The following BPTF variants were observed in gnomAD, a reference collection of about 807,000 sequenced individuals.
BPTF encodes nucleosome-remodeling factor subunit BPTF.
BPTF carries 18 observed loss-of-function variants against 292.5 expected under a neutral mutation model. That is an observed-to-expected ratio of 0.06 (90% confidence interval 0.04 to 0.09). The LOEUF is 0.09. Among genes scored for constraint, BPTF ranks in the 10% least tolerant of loss-of-function variants. The pLI is 1.00. For synonymous variants in BPTF, 1,225 were observed against 1,251.9 expected (o/e 0.98, Z 0.45); for missense variants, 2,726 against 3,498.7 (o/e 0.78, Z 5.57).
intron 26 of BPTF, among the ~76,000 whole-genome samples, chr17:67,967,508 T>C (rs1221566952): frequency 6.6e-6 from 1 of 152,006 alleles, no homozygotes; most frequent in African/African-American, 2.4e-5. Flanking sequence ...AGTATGTTCA[T>C]TGTGGCAGTG....
At position 67,911,519 on chromosome 17, in the gene BPTF, A is replaced by T; in HGVS notation, c.3635A>T (p.Asp1212Val). ...EPSKSKTKGN[D>V]FFIDDSKLAS... ...AGTAAGAGTAAAACAAAAGGAAATG[A>T]TTTTTTCATCGATGACTCTAAACTA... Residue 1212 changes from aspartate to valine, a missense_variant, in exon 11 of 28, where the codon GAT becomes GTT. Transcript: ENST00000306378. 1 of 1,613,444 alleles carries T rather than the reference A, an allele frequency of 6.2e-7. No individual in the cohort carries two copies. Among genetic ancestry groups the T allele is most frequent in the Non-Finnish European group, 8.5e-7 (1 of 1,179,890 alleles).
intron 3 of BPTF, among the ~76,000 whole-genome samples, chr17:67,870,893 C>A (rs1293233782): frequency 2.0e-5 from 3 of 149,824 alleles, no homozygotes; most frequent in East Asian, 2.0e-4. Flanking sequence ...CCTCAGCCTC[C>A]CAAGTAGCTG....
intron 2 of BPTF, among the ~76,000 whole-genome samples, chr17:67,856,082 A>G (rs2145061328): frequency 6.6e-6 from 1 of 152,204 alleles, no homozygotes; most frequent in South Asian, 2.1e-4. Flanking sequence ...TCTTGTATTT[A>G]TCTTGAGCTA....
At chr17:67,914,182 G>A (rs1598618074) in intron 11 of BPTF, among the ~76,000 whole-genome samples, 1 of 151,436 alleles carries the variant, frequency 6.6e-6, no homozygotes, top group Admixed American at 6.6e-5. Context: ...CTTCGTTTTT[G>A]TGTGTCTTTT....
intron 1 of BPTF, among the ~76,000 whole-genome samples, chr17:67,836,703 CAA>C (rs1267502240): frequency 6.6e-6 from 1 of 152,138 alleles, no homozygotes; most frequent in Admixed American, 6.6e-5. Flanking sequence ...TCACAGTAAT[CAA>C]GAGAACAAGT....
At chr17:67,859,487 C>T (rs2058945751) in intron 2 of BPTF, among the ~76,000 whole-genome samples, 1 of 152,200 alleles carries the variant, frequency 6.6e-6, no homozygotes, top group Non-Finnish European at 1.5e-5. Context: ...GATAAAGAGA[C>T]TAAATCTCAA....
At chr17:67,941,651 C>A (rs562424935) in intron 19 of BPTF, among the ~76,000 whole-genome samples, 1 of 152,046 alleles carries the variant, frequency 6.6e-6, no homozygotes, top group Non-Finnish European at 1.5e-5. Context: ...GGTGCCAGGA[C>A]AATTGAATAT....
chr17:67,922,753 C>G (rs2063541995), intron 13 of BPTF, 87 bp from the exon 14 acceptor site: 13 of 1,443,678 alleles, frequency 9.0e-6, no homozygotes, highest in Non-Finnish European at 1.1e-5. Flanking sequence ...AGAAGTTTGC[C>G]AACCACTTTT....
intron 7 of BPTF, among the ~76,000 whole-genome samples, chr17:67,903,308 G>A (rs189401338): frequency 2.8e-4 from 43 of 152,302 alleles, no homozygotes; most frequent in African/African-American, 9.6e-4. Context: ...TGGAAACAAA[G>A]TATTCTTTAA....
chr17:67,879,886 G>A (rs1368864657), intron 4 of BPTF, among the ~76,000 whole-genome samples: 3 of 152,088 alleles, frequency 2.0e-5, no homozygotes, highest in Admixed American at 6.6e-5. Context: ...TGAGGGATCC[G>A]TCCCCAGAAT....
chr17:67,970,528 T>C (rs1470228253), intron 26 of BPTF, among the ~76,000 whole-genome samples: 1 of 152,208 alleles, frequency 6.6e-6, no homozygotes, highest in Non-Finnish European at 1.5e-5. Context: ...AAGTGAAAGT[T>C]ACAGAGCAGT....
intron 13 of BPTF, 83 bp from the exon 14 acceptor site, chr17:67,922,757 C>T (rs1254550612): frequency 2.7e-6 from 4 of 1,460,210 alleles, no homozygotes; most frequent in Non-Finnish European, 3.7e-6. Context: ...GTTTGCCAAC[C>T]ACTTTTTCAT....
chr17:67,832,529 C>T (rs552671321), intron 1 of BPTF, among the ~76,000 whole-genome samples: 1 of 152,126 alleles, frequency 6.6e-6, no homozygotes, highest in South Asian at 2.1e-4. Context: ...TATGAAAATT[C>T]AGTTTTTAAA....
chr17:67,910,563 G>A (rs2062584619), intron 10 of BPTF, among the ~76,000 whole-genome samples: 1 of 152,140 alleles, frequency 6.6e-6, no homozygotes, highest in African/African-American at 2.4e-5. Flanking sequence ...ACTTTGGGAG[G>A]CTGAGGTGGG....
In BPTF at chr17:67,959,534, A is replaced by T; in HGVS notation, c.7927-7A>T. 7.3e-6 allele frequency: 11 copies of T among 1,511,772 alleles called. No individual in the cohort carries two copies. Among genetic ancestry groups the T allele is most frequent in the Non-Finnish European group, 9.7e-6 (11 of 1,133,002 alleles). 93.6% of individuals were successfully genotyped at this position (1,511,772 alleles called of 1,614,324 possible). ...GATAGTCTTGTATTGTCTTTAATTGATAACAGGAAGAGCTGAAGAGAGACC... is the reference window on the plus strand; with the variant it reads ...GATAGTCTTGTATTGTCTTTAATTGTTAACAGGAAGAGCTGAAGAGAGACC... On this transcript the variant is annotated splice_polypyrimidine_tract_variant and splice_region_variant and intron_variant, in intron 23 of 27. Coordinates refer to ENST00000306378, the MANE Select transcript of BPTF (RefSeq NM_182641.4).
Position 67,826,054 on chromosome 17 carries a change from C to T in BPTF, c.330C>T (p.His110=). 1.6e-6 allele frequency: 2 copies of T among 1,224,648 alleles called. No homozygotes were observed. The highest frequency in any genetic ancestry group is 3.1e-5 in the East Asian group (1 of 31,968). 75.9% of individuals were successfully genotyped at this position (1,224,648 alleles called of 1,614,324 possible). The change falls in exon 1 of 28, where the codon CAC becomes CAT. Residue 110 remains histidine, a synonymous_variant. Transcript: ENST00000306378. ...GRTGGGGGGG[H]LARTTAARRA... ...CGGGGGGCGGGGGCGGCGGCGGCCA[C>T]CTGGCCCGGACCACCGCGGCCCGGA... is the stretch of plus-strand genomic sequence containing the variant.
rs150253288 is a variant in BPTF, at chr17:67,934,283, C to T, written c.6259+2264C>T. ...CTATAATCCTAGCACTTTGGGAGGC[C>T]AAGATGGGCAGATCACCTGAGGTCA... On this transcript the variant is annotated intron_variant, in intron 18 of 27. Transcript: ENST00000306378. 4.9e-3 allele frequency among the ~76,000 whole-genome samples: 748 copies of T among 151,930 alleles called. 7 individuals carry two copies. The highest frequency in any genetic ancestry group is 0.016 in the African/African-American group (682 of 41,452).
Position 67,894,083 on chromosome 17 carries a change from G to A in BPTF, c.2461G>A (p.Ala821Thr). 6.2e-7 allele frequency: 1 copy of A among 1,614,086 alleles called. No individual in the cohort carries two copies. The highest frequency in any genetic ancestry group is 8.5e-7 in the Non-Finnish European group (1 of 1,179,950). Residue 821 changes from alanine (A) to threonine (T), a missense_variant, in exon 7 of 28, where the codon GCA (alanine) becomes ACA (threonine). Coordinates refer to ENST00000306378, the MANE Select transcript of BPTF (RefSeq NM_182641.4). ...VQMCSKPREFALALAILECAV... is the reference protein window; with the variant it reads ...VQMCSKPREFTLALAILECAV... ...GATGTGTAGCAAACCCAGAGAATTT[G>A]CATTGGCTTTAGCCATTTTGGAGTG...
intron 7 of BPTF, among the ~76,000 whole-genome samples, chr17:67,897,415 A>G (rs1222601292): frequency 6.8e-6 from 1 of 147,152 alleles, no homozygotes; most frequent in Non-Finnish European, 1.5e-5. Flanking sequence ...ATTCTCTTTT[A>G]TTAGAACTTG....
Sources: allele counts gnomAD v4.1 joint callset (sites outside exome capture counted in the v4.1 genomes callset), GRCh38; gene constraint gnomAD v4.1.1; transcripts MANE v1.5; gene names NCBI Gene and HGNC (gene_info 2026-07-23, HGNC 2026-07-21).